Variants in KCNC2 observed in about 807,000 individuals in gnomAD.
KCNC2 encodes voltage-gated potassium channel KCNC2.
A neutral mutation model predicts 44.5 loss-of-function variants in KCNC2; 21 were observed. The observed-to-expected ratio is 0.47, with a 90% confidence interval of 0.33 to 0.68. KCNC2 has a LOEUF of 0.68. Ranked by LOEUF, KCNC2 falls within the 30% of genes least tolerant of loss-of-function variation. The pLI is 0.01. For synonymous variants in KCNC2, 391 were observed against 339.1 expected (o/e 1.15, Z -1.68); for missense variants, 589 against 826.2 (o/e 0.71, Z 3.52).
At chr12:75,050,339 C>T in intron 3 of KCNC2, 51 bp downstream of exon 3, 3 of 1,294,834 alleles carry the variant, frequency 2.3e-6, no homozygotes, top group Non-Finnish European at 3.3e-6. Flanking sequence ...GCCTAAGGAA[C>T]ATACTGGTCT....
intron 2 of KCNC2, among the ~76,000 whole-genome samples, chr12:75,084,290 T>TAGATGATAGATA (rs200893949): frequency 0.097 from 11,943 of 123,264 alleles, 658 homozygotes; most frequent in Non-Finnish European, 0.11. Flanking sequence ...GATAGATAGA[T>TAGATGATAGATA]GATAGATAGA....
intron 2 of KCNC2, among the ~76,000 whole-genome samples, chr12:75,199,995 A>G (rs2031103985): frequency 6.6e-6 from 1 of 151,708 alleles, no homozygotes; most frequent in Admixed American, 6.6e-5. Context: ...AAGGCTTTTT[A>G]GGAAGACAAT....
chr12:75,119,386 G>A (rs959801449), intron 2 of KCNC2, among the ~76,000 whole-genome samples: 4 of 152,026 alleles, frequency 2.6e-5, no homozygotes, highest in Non-Finnish European at 4.4e-5. Flanking sequence ...AGTAGAGATC[G>A]TGAAAAGGGT....
intron 2 of KCNC2, among the ~76,000 whole-genome samples, chr12:75,072,833 C>T (rs540331361): frequency 6.6e-5 from 10 of 152,126 alleles, no homozygotes; most frequent in Non-Finnish European, 1.3e-4. Flanking sequence ...TTCGATCTGA[C>T]ATGATTTTAA....
chr12:75,165,715 G>T (rs1399267128), intron 2 of KCNC2, among the ~76,000 whole-genome samples: 1 of 151,366 alleles, frequency 6.6e-6, no homozygotes, highest in Non-Finnish European at 1.5e-5. Flanking sequence ...TCTAATTGTA[G>T]ATTATTCAGT....
At chr12:75,189,230 AC>A (rs1287026135) in intron 2 of KCNC2, among the ~76,000 whole-genome samples, 1 of 152,166 alleles carries the variant, frequency 6.6e-6, no homozygotes, top group African/African-American at 2.4e-5. Flanking sequence ...TACTTCTCCA[AC>A]AATATTGTTT....
At chr12:75,050,102 C>A (rs1169520699) in intron 3 of KCNC2, among the ~76,000 whole-genome samples, 2 of 151,844 alleles carry the variant, frequency 1.3e-5, no homozygotes, top group African/African-American at 4.8e-5. Flanking sequence ...GAAACATTGG[C>A]ACAAAAGCAA....
chr12:75,131,384 C>T lies in KCNC2; in HGVS notation c.687+75913G>A, dbSNP rs142946726. Among the ~76,000 whole-genome samples, 282 of 152,244 alleles carry T rather than the reference C, an allele frequency of 1.9e-3. 1 individual carries two copies. The highest frequency in any genetic ancestry group is 6.5e-3 in the African/African-American group (271 of 41,564). On this transcript the variant is annotated intron_variant, in intron 2 of 4. Transcript: ENST00000549446. ...GTTGGATGATCTTAAAACTAAAGAACTACTGAAAGCAGTGGCTTATAGCAG... is the reference window on the plus strand; with the variant it reads ...GTTGGATGATCTTAAAACTAAAGAATTACTGAAAGCAGTGGCTTATAGCAG...
chr12:75,078,968 G>T (rs949509403), intron 2 of KCNC2, among the ~76,000 whole-genome samples: 1 of 151,896 alleles, frequency 6.6e-6, no homozygotes, highest in African/African-American at 2.4e-5. Flanking sequence ...AGGACAGAGA[G>T]AATTATTTAA....
At chr12:75,183,280 C>A (rs375022688) in intron 2 of KCNC2, among the ~76,000 whole-genome samples, 1 of 152,166 alleles carries the variant, frequency 6.6e-6, no homozygotes, top group Non-Finnish European at 1.5e-5. Flanking sequence ...AGAGACTCCC[C>A]ATGCAGAAAG....
chr12:75,206,319 C>G (rs2031683529), intron 2 of KCNC2, among the ~76,000 whole-genome samples: 1 of 152,188 alleles, frequency 6.6e-6, no homozygotes, highest in South Asian at 2.1e-4. Context: ...AAAAACCATT[C>G]ACATACTGTA....
rs370240161 is a variant in KCNC2 at position 75,069,363 on chromosome 12, C to T, written c.688-18046G>A. Among the ~76,000 whole-genome samples, 315 of 151,598 alleles carry T rather than the reference C, an allele frequency of 2.1e-3. 2 individuals are homozygous for T. The highest frequency in any genetic ancestry group is 0.013 in the South Asian group (60 of 4,792). ...GTTGGTCAGGCTGGTCTCGAACTCCCGACCTCAGGTGATCCGCCCGCCTCA... is the reference window on the plus strand; with the variant it reads ...GTTGGTCAGGCTGGTCTCGAACTCCTGACCTCAGGTGATCCGCCCGCCTCA... On this transcript the variant is annotated intron_variant, in intron 2 of 4. Coordinates refer to ENST00000549446, the MANE Select transcript of KCNC2 (RefSeq NM_139137.4).
intron 2 of KCNC2, among the ~76,000 whole-genome samples, chr12:75,186,792 G>T (rs929130201): frequency 6.6e-6 from 1 of 152,100 alleles, no homozygotes; most frequent in Non-Finnish European, 1.5e-5. Flanking sequence ...AGCACATTAG[G>T]ATGTCAAGTA....
intron 4 of KCNC2, among the ~76,000 whole-genome samples, chr12:75,045,410 C>T (rs1299146815): frequency 2.6e-5 from 4 of 151,820 alleles, no homozygotes; most frequent in Non-Finnish European, 5.9e-5. Flanking sequence ...AATTTCAGTG[C>T]CTATTTGAAA....
intron 2 of KCNC2, among the ~76,000 whole-genome samples, chr12:75,201,516 T>A (rs1394593477): frequency 6.6e-6 from 1 of 151,810 alleles, no homozygotes; most frequent in Non-Finnish European, 1.5e-5. Flanking sequence ...AATCAAGATT[T>A]AGGAAGATGA....
At chr12:75,107,062 T>TG (rs1886844696) in intron 2 of KCNC2, among the ~76,000 whole-genome samples, 1 of 150,966 alleles carries the variant, frequency 6.6e-6, no homozygotes, top group African/African-American at 2.4e-5. Flanking sequence ...CCCAGCACTT[T>TG]GGGGGGCTGA....
At position 75,207,894 on chromosome 12, in the gene KCNC2, A is replaced by G. The variant is rs139429532; in HGVS notation, c.90T>C (p.Pro30=). ...ETYRSTLKTL[P]GTRLALLASS... ...AGGCAAGAAGGGCCAGGCGTGTTCC[A>G]GGCAGGGTCTTGAGGGTGCTGCGGT... is the stretch of plus-strand genomic sequence containing the variant. Residue 30 remains proline, a synonymous_variant, in exon 2 of 5, where the codon CCT becomes CCC. Transcript: ENST00000549446. This position sits in a 1 kb window ranked among gnomAD's most constrained non-coding sequence, Gnocchi z 4.1. 844 of 1,612,752 alleles carry G rather than the reference A, an allele frequency of 5.2e-4. 2 individuals are homozygous for G. In the African/African-American group the frequency reaches 9.4e-3, roughly 18 times the overall value.
chr12:75,042,406 T>C lies in KCNC2; in HGVS notation c.*699A>G. 2 of 1,597,492 alleles carry C rather than the reference T, an allele frequency of 1.3e-6. No homozygotes were observed. The highest frequency in any genetic ancestry group is 1.1e-5 in the South Asian group (1 of 88,576). ...GCAAACAACCAGAGACATTCAGAAC[T>C]CCAATACAGCATTTTTGAAGAAAAG... On this transcript the variant is annotated 3_prime_UTR_variant, in exon 5 of 5. Coordinates refer to ENST00000549446, the MANE Select transcript of KCNC2 (RefSeq NM_139137.4).
intron 2 of KCNC2, among the ~76,000 whole-genome samples, chr12:75,102,995 A>G (rs994732138): frequency 3.9e-5 from 6 of 152,108 alleles, no homozygotes; most frequent in African/African-American, 1.4e-4. Context: ...AGTAGGAGAA[A>G]GGACCTGGGG....
Sources: allele counts gnomAD v4.1 joint callset (sites outside exome capture counted in the v4.1 genomes callset), GRCh38; gene constraint gnomAD v4.1.1; non-coding constraint Gnocchi (gnomAD v3.1); transcripts MANE v1.5; gene names NCBI Gene and HGNC (gene_info 2026-07-23, HGNC 2026-07-21).